The following PGM1 variants were observed in gnomAD, a reference collection of about 807,000 sequenced individuals.
The protein encoded by PGM1 is phosphoglucomutase 1.
In PGM1, 52 loss-of-function variants were observed where a neutral mutation model predicts 55.6. The observed-to-expected ratio is 0.94, with a 90% CI of 0.75 to 1.18. The LOEUF is 1.18. Among genes scored for constraint, PGM1 ranks in the 50% most tolerant of loss-of-function variants. The probability of loss-of-function intolerance (pLI) is 0.00; values close to 1 mark genes in which losing one functional copy is unlikely to be tolerated. For synonymous variants in PGM1, 287 were observed against 271.7 expected (o/e 1.06, Z -0.55); for missense variants, 724 against 729.3 (o/e 0.99, Z 0.08).
chr1:63,634,842 T>C lies in PGM1; in HGVS notation c.696T>C (p.Tyr232=), dbSNP rs886046480. 4 of 1,612,994 alleles carry C rather than the reference T, an allele frequency of 2.5e-6. No individual in the cohort carries two copies. The highest frequency in any genetic ancestry group is 3.4e-6 in the Non-Finnish European group (4 of 1,179,664). ...IDAMHGVVGP[Y]VKKILCEELG... ...TGCTGTATATAGTTGTGGGACCGTA[T>C]GTAAAGAAGATCCTCTGTGAAGAAC... Residue 232 remains tyrosine, a synonymous_variant, in exon 5 of 11, where the codon TAT becomes TAC. Transcript: ENST00000371084.
At chr1:63,633,762 A>T (rs1209332627) in intron 4 of PGM1, among the ~76,000 whole-genome samples, 3 of 149,990 alleles carry the variant, frequency 2.0e-5, no homozygotes, top group African/African-American at 7.4e-5. Context: ...CCGCCTCCGA[A>T]GTTCAAGCGA....
rs6700205 is a variant in PGM1 at position 63,654,230 on chromosome 1, A to T, written c.1465-102A>T. On this transcript the variant is annotated intron_variant, in intron 9 of 10. Transcript: ENST00000371084. The stretch of plus-strand genomic sequence containing the variant: ...TATCAAGGATTTAACCCTCCAATGA[A>T]CAAGTATGGATGAAATTACATCCCC... 15,888 of 1,179,776 alleles carry T rather than the reference A, an allele frequency of 0.013. 1,541 individuals are homozygous for T. In the African/African-American group the frequency reaches 0.21, roughly 16 times the overall value. 73.1% of individuals were successfully genotyped at this position (1,179,776 alleles called of 1,614,324 possible). A position where few individuals can be genotyped will look rare whatever the true frequency, so the allele number is the denominator to read the frequency against.
intron 1 of PGM1, 119 bp from the exon 2 acceptor site, chr1:63,629,306 G>A (rs1311420393): frequency 5.8e-6 from 5 of 860,678 alleles, no homozygotes; most frequent in South Asian, 5.4e-5. Context: ...ATCTTTTCTT[G>A]TCCAACAGAT....
chr1:63,602,024 G>A (rs1279500514), intron 1 of PGM1, among the ~76,000 whole-genome samples: 4 of 152,312 alleles, frequency 2.6e-5, no homozygotes, highest in Non-Finnish European at 2.9e-5. Context: ...GATGAAATGC[G>A]ATAGGTGGTA....
rs139155697 is a variant in PGM1, at chr1:63,634,900, G to A, written c.754G>A (p.Val252Ile). The A allele has an allele frequency of 9.9e-6, 16 of 1,613,718 alleles. No individual in the cohort carries two copies. Among genetic ancestry groups the A allele is most frequent in the East Asian group, 6.7e-5 (3 of 44,878 alleles). Residue 252 changes from valine (V) to isoleucine (I), a missense_variant, in exon 5 of 11, where the codon GTT becomes ATT. Coordinates refer to ENST00000371084, the MANE Select transcript of PGM1 (RefSeq NM_002633.3). ...CCCTGCGAACTCGGCAGTTAACTGC[G>A]TTCCTCTGGAGGACTTTGGAGGCCA... ...GAPANSAVNCVPLEDFGGHHP... is the reference protein window; with the variant it reads ...GAPANSAVNCIPLEDFGGHHP...
rs370316545 is a variant in PGM1 at position 63,659,573 on chromosome 1, A to C, written c.1600-13A>C. On this transcript the variant is annotated splice_polypyrimidine_tract_variant and intron_variant, in intron 10 of 10. Coordinates refer to ENST00000371084, the MANE Select transcript of PGM1 (RefSeq NM_002633.3). ...GGAAGTGATGGAAAAGCTTCTCTCT[A>C]TGTCTTCCTCAGGTCATGTTGGCCC... 1.9e-6 allele frequency: 3 copies of C among 1,608,222 alleles called. No individual in the cohort carries two copies. Among genetic ancestry groups the C allele is most frequent in the Admixed American group, 1.7e-5 (1 of 60,006 alleles).
intron 1 of PGM1, among the ~76,000 whole-genome samples, chr1:63,621,315 C>T (rs1451499590): frequency 6.6e-6 from 1 of 151,260 alleles, no homozygotes; most frequent in African/African-American, 2.4e-5. Flanking sequence ...ATTATGTGGG[C>T]AGAGAGGCTT....
chr1:63,610,111 C>A (rs1452972474), intron 1 of PGM1, among the ~76,000 whole-genome samples: 1 of 152,168 alleles, frequency 6.6e-6, no homozygotes, highest in Non-Finnish European at 1.5e-5. Context: ...AAACTGTTTT[C>A]TCACCAGTAA....
chr1:63,636,019 G>C (rs1286923388), intron 5 of PGM1, among the ~76,000 whole-genome samples: 1 of 152,220 alleles, frequency 6.6e-6, no homozygotes, highest in Non-Finnish European at 1.5e-5. Context: ...GACTTTAATT[G>C]AAAACAGTTT....
At position 63,627,952 on chromosome 1, in the gene PGM1, G is replaced by A. The variant is rs533314184; in HGVS notation, c.247-1473G>A. Among the ~76,000 whole-genome samples, 6 of 152,280 alleles carry A rather than the reference G, an allele frequency of 3.9e-5. No homozygotes were observed. In the East Asian group the frequency reaches 1.2e-3, roughly 29 times the overall value. ...CCCACCATGGCCGCTAATGTGCTGT[G>A]TGGCCTTGTCGTGTCATCTACGCCA... On this transcript the variant is annotated intron_variant, in intron 1 of 10. Transcript: ENST00000371084.
chr1:63,638,875 A>G lies in PGM1; in HGVS notation c.1144+75A>G. 2 of 1,035,722 alleles carry G rather than the reference A, an allele frequency of 1.9e-6. 1 individual carries two copies. The highest frequency in any genetic ancestry group is 2.5e-5 in the South Asian group (2 of 79,584). 64.2% of individuals were successfully genotyped at this position (1,035,722 alleles called of 1,614,324 possible). On this transcript the variant is annotated intron_variant, in intron 7 of 10. Coordinates refer to ENST00000371084, the MANE Select transcript of PGM1 (RefSeq NM_002633.3). ...CAGTAAAAGCTTAGACTGCTAAGGT[A>G]GCACTGAAATACCAACGGTAGCCGA...
chr1:63,629,573 A>G lies in PGM1; in HGVS notation c.395A>G (p.Asn132Ser), dbSNP rs139535773. Residue 132 changes from asparagine (N) to serine (S), a missense_variant, in exon 2 of 11, where the codon AAT (asparagine) becomes AGT (serine). Asn to Ser is a conservative substitution (Grantham distance 46). Transcript: ENST00000371084. ...AATGGAGATTTTGGAATCAAATTCA[A>G]TATTTCTAATGGAGGTGAGTTTGCT... The part of the protein sequence containing the change: ...GPNGDFGIKF[N>S]ISNGGPAPEA... 16 of 1,613,836 alleles carry G rather than the reference A, an allele frequency of 9.9e-6. No individual in the cohort carries two copies. Among genetic ancestry groups the G allele is most frequent in the Middle Eastern group, 1.7e-4 (1 of 6,058 alleles).
rs1649043239 is a variant in PGM1 at position 63,627,069 on chromosome 1, ACAC to A, written c.247-2355_247-2353del. 9.1e-5 allele frequency among the ~76,000 whole-genome samples: 7 copies of A among 77,348 alleles called. 1 individual carries two copies. The South Asian group carries it at 2.9e-3, about 32-fold the overall frequency. The allele number at this position is 77,348 out of a possible 152,430, so 50.7% of individuals were successfully genotyped here. A position where few individuals can be genotyped will look rare whatever the true frequency, so the allele number is the denominator to read the frequency against. On this transcript the variant is annotated intron_variant, in intron 1 of 10. Transcript: ENST00000371084. ...TATGGCAGGACCCCCCCCCCCCCAC[ACAC>A]ACACACACTTTTAAGGCTGAATAAT...
intron 1 of PGM1, chr1:63,623,233 C>G: frequency 2.2e-6 from 3 of 1,375,932 alleles, no homozygotes; most frequent in Non-Finnish European, 2.8e-6. Flanking sequence ...CTTTGAAGAC[C>G]TGCTTTGTGT....
intron 1 of PGM1, chr1:63,594,196 C>G: frequency 2.2e-6 from 2 of 894,914 alleles, no homozygotes; most frequent in Non-Finnish European, 2.7e-6. Context: ...GCCCGCTCCT[C>G]TGCTATTCTC....
intron 1 of PGM1, among the ~76,000 whole-genome samples, chr1:63,623,953 A>G (rs1648955327): frequency 1.3e-5 from 2 of 152,234 alleles, no homozygotes; most frequent in African/African-American, 4.8e-5. Context: ...ACACTGGGAT[A>G]CAGGAATGTT....
intron 9 of PGM1, among the ~76,000 whole-genome samples, 173 bp downstream of exon 9, chr1:63,652,025 C>T (rs573972904): frequency 6.8e-4 from 103 of 152,290 alleles, no homozygotes; most frequent in African/African-American, 2.4e-3. Context: ...CACATGCACT[C>T]GTTGGGACAG....
chr1:63,614,458 C>G (rs1648654503), intron 1 of PGM1, among the ~76,000 whole-genome samples: 1 of 152,162 alleles, frequency 6.6e-6, no homozygotes, highest in Admixed American at 6.5e-5. Flanking sequence ...GAGCCACTGC[C>G]CATCTAAGGA....
chr1:63,635,170 C>T (rs1649331138), intron 5 of PGM1, 151 bp downstream of exon 5: 1 of 677,574 alleles, frequency 1.5e-6, no homozygotes, highest in Non-Finnish European at 2.7e-6. Context: ...TATTAGAAGC[C>T]CCTCTTGAAC....
Sources: allele counts gnomAD v4.1 joint callset (sites outside exome capture counted in the v4.1 genomes callset), GRCh38; gene constraint gnomAD v4.1.1; transcripts MANE v1.5; gene names NCBI Gene and HGNC (gene_info 2026-07-23, HGNC 2026-07-21).